Variants in SRBD1 observed in about 807,000 individuals in gnomAD.
The protein encoded by SRBD1 is S1 RNA-binding domain-containing protein 1.
Under a neutral mutation model 115.3 loss-of-function variants are expected in SRBD1, and 88 were observed. The observed-to-expected ratio is 0.76, with a 90% CI of 0.64 to 0.91. The LOEUF is 0.91. Among genes scored for constraint, SRBD1 ranks in the 40% least tolerant of loss-of-function variants. SRBD1 has a pLI of 0.00. For synonymous variants in SRBD1, 509 were observed against 407.7 expected, an observed-to-expected ratio of 1.25 and a Z score of -2.99; for missense variants, 1,385 against 1,177.4, an observed-to-expected ratio of 1.18 and a Z score of -2.58.
intron 16 of SRBD1, chr2:45,447,702 C>T (rs986879261): frequency 6.6e-6 from 1 of 152,054 alleles, no homozygotes; most frequent in African/African-American, 2.4e-5. Context: ...AGTTGAATAT[C>T]AAATTATTTA....
chr2:45,511,030 T>C (rs1456539806), intron 14 of SRBD1, among the ~76,000 whole-genome samples: 1 of 152,232 alleles, frequency 6.6e-6, no homozygotes, highest in African/African-American at 2.4e-5. Flanking sequence ...CCATGAGTAT[T>C]GCGAACCAAC....
intron 20 of SRBD1, among the ~76,000 whole-genome samples, chr2:45,390,944 T>C (rs1666979934): frequency 6.6e-6 from 1 of 152,186 alleles, no homozygotes; most frequent in Non-Finnish European, 1.5e-5. Flanking sequence ...AAACCTACTG[T>C]AATGTAATAT....
chr2:45,527,065 T>C (rs750844202), intron 14 of SRBD1, among the ~76,000 whole-genome samples: 30 of 151,948 alleles, frequency 2.0e-4, no homozygotes, highest in Non-Finnish European at 3.8e-4. Context: ...AGCTTTAATC[T>C]GAAAAGCATA....
At chr2:45,409,123 G>C (rs774416454) in intron 19 of SRBD1, among the ~76,000 whole-genome samples, 1 of 152,106 alleles carries the variant, frequency 6.6e-6, no homozygotes, top group Non-Finnish European at 1.5e-5. Flanking sequence ...ACTTGGGGCT[G>C]AGGTGGGAGG....
intron 12 of SRBD1, among the ~76,000 whole-genome samples, chr2:45,549,496 A>T (rs1672227254): frequency 6.6e-6 from 1 of 152,010 alleles, no homozygotes; most frequent in Non-Finnish European, 1.5e-5. Context: ...GACTAATATA[A>T]TGTCCTTACA....
At position 45,546,719 on chromosome 2, in the gene SRBD1, G is replaced by A. The variant is rs750727305; in HGVS notation, c.1874+13C>T. 126 of 1,610,794 alleles carry A rather than the reference G, an allele frequency of 7.8e-5. No homozygotes were observed. Among genetic ancestry groups the A allele is most frequent in the Non-Finnish European group, 9.3e-5 (110 of 1,177,202 alleles). On this transcript the variant is annotated intron_variant, in intron 14 of 20. Coordinates refer to ENST00000263736, the MANE Select transcript of SRBD1 (RefSeq NM_018079.5). ...TGCTTCTCCAAGAAAAGAGATATAT[G>A]TAATAGCCTTACCAGTAAACAACAT... is the stretch of plus-strand genomic sequence containing the variant.
At chr2:45,468,586 A>C (rs866606665) in intron 16 of SRBD1, among the ~76,000 whole-genome samples, 1 of 151,980 alleles carries the variant, frequency 6.6e-6, no homozygotes, top group Non-Finnish European at 1.5e-5. Context: ...ATGACGTCTC[A>C]CTATGTCACT....
At chr2:45,581,589 G>T in intron 6 of SRBD1, 104 bp downstream of exon 6, 2 of 746,252 alleles carry the variant, frequency 2.7e-6, no homozygotes, top group Non-Finnish European at 4.4e-6. Flanking sequence ...AATAATGGTG[G>T]CTAATGACGT....
At position 45,562,687 on chromosome 2, in the gene SRBD1, T is replaced by C. The variant is rs1672707546; in HGVS notation, c.1375A>G (p.Lys459Glu). 1 of 1,611,902 alleles carries C rather than the reference T, an allele frequency of 6.2e-7. No homozygotes were observed. The highest frequency in any genetic ancestry group is 8.5e-7 in the Non-Finnish European group (1 of 1,179,486). ...ATGCACCACCTACAGAATTCATCCT[T>C]CACTCCATCAGAAATATTGACCTTA... ...TVKVNISDGV[K>E]DEFCRWCIQN... Residue 459 changes from lysine (K) to glutamate (E), a missense_variant, in exon 10 of 21, where the codon AAG becomes GAG. Transcript: ENST00000263736.
intron 9 of SRBD1, among the ~76,000 whole-genome samples, chr2:45,571,540 A>AAAC (rs1558486314): frequency 5.4e-5 from 8 of 147,598 alleles, no homozygotes; most frequent in Non-Finnish European, 7.4e-5. Flanking sequence ...AAAAAAAAAA[A>AAAC]AACTGTCCAT....
chr2:45,447,884 A>T (rs899170915), intron 16 of SRBD1: 1 of 152,158 alleles, frequency 6.6e-6, no homozygotes, highest in Non-Finnish European at 1.5e-5. Flanking sequence ...TTTCCATAGT[A>T]AACAGTATTT....
chr2:45,603,619 T>G (rs1264854605), intron 2 of SRBD1, among the ~76,000 whole-genome samples: 1 of 152,160 alleles, frequency 6.6e-6, no homozygotes, highest in Non-Finnish European at 1.5e-5. Context: ...AACCTCCACC[T>G]CCTGGGTTCA....
intron 14 of SRBD1, among the ~76,000 whole-genome samples, chr2:45,494,125 G>T (rs1057209224): frequency 2.0e-5 from 3 of 151,968 alleles, no homozygotes; most frequent in African/African-American, 7.3e-5. Context: ...CTTTCATTAA[G>T]AATTATTATT....
At chr2:45,389,670 G>A in intron 20 of SRBD1, 71 bp from the exon 21 acceptor site, 1 of 1,425,598 alleles carries the variant, frequency 7.0e-7, no homozygotes. Context: ...TTGTGAATAA[G>A]TACTTACTAC....
At chr2:45,501,874 C>G (rs923325103) in intron 14 of SRBD1, among the ~76,000 whole-genome samples, 2 of 152,172 alleles carry the variant, frequency 1.3e-5, no homozygotes, top group African/African-American at 4.8e-5. Context: ...CAGGGCACAG[C>G]CAAACAAAAG....
In SRBD1 at chr2:45,499,581, C is replaced by T. The variant is rs141069325; in HGVS notation, c.1875-11250G>A. ...AAAAATCTTTGCCCAGACCACTGAT[C>T]GGCAGCATTTCCCCCAATGTTTTCT... On this transcript the variant is annotated intron_variant, in intron 14 of 20. Transcript: ENST00000263736. 4.9e-4 allele frequency among the ~76,000 whole-genome samples: 74 copies of T among 152,252 alleles called. 1 individual carries two copies. The East Asian group carries it at 9.4e-3, about 19-fold the overall frequency.
At chr2:45,589,128 G>C (rs1356878688) in intron 4 of SRBD1, among the ~76,000 whole-genome samples, 1 of 152,000 alleles carries the variant, frequency 6.6e-6, no homozygotes, top group Non-Finnish European at 1.5e-5. Context: ...CATCCCATCT[G>C]CATTACTACA....
At chr2:45,596,229 TG>T (rs745637161) in intron 4 of SRBD1, among the ~76,000 whole-genome samples, 2 of 152,350 alleles carry the variant, frequency 1.3e-5, no homozygotes, top group East Asian at 3.9e-4. Flanking sequence ...TTCTGGCAGC[TG>T]GGCACCTATC....
rs539582332 is a variant in SRBD1 at position 45,591,533 on chromosome 2, A to T, written c.649-5759T>A. Among the ~76,000 whole-genome samples the T allele has an allele frequency of 1.4e-4, 21 of 152,306 alleles. No homozygotes were observed. In the South Asian group the frequency reaches 3.9e-3, roughly 29 times the overall value. On this transcript the variant is annotated intron_variant, in intron 4 of 20. Transcript: ENST00000263736. ...TAGGCTCTGTGTAGGCAGTGGGCAA[A>T]ATGAACCCATTGGACAGTTACATGT...
Sources: gnomAD v4.1 joint callset for allele counts (sites outside exome capture counted in the v4.1 genomes callset) on GRCh38, gnomAD v4.1.1 for gene constraint, MANE v1.5 for transcripts, NCBI Gene and HGNC (gene_info 2026-07-23, HGNC 2026-07-21) for gene names.